LRMDA: variants seen among roughly 807,000 people sequenced by gnomAD.
LRMDA encodes the protein leucine-rich melanocyte differentiation-associated protein.
In LRMDA, 18 loss-of-function variants were observed where a neutral mutation model predicts 29.8. That is an observed-to-expected ratio of 0.60 (90% confidence interval 0.42 to 0.90). The LOEUF (loss-of-function observed/expected upper bound fraction) is 0.90, where lower values mean the gene tolerates loss of function less well. Among genes scored for constraint, LRMDA ranks in the 40% least tolerant of loss-of-function variants. The pLI is 0.00. For synonymous variants in LRMDA, 125 were observed against 109.4 expected, an observed-to-expected ratio of 1.14 and a Z score of -0.89; for missense variants, 273 against 273.9, an observed-to-expected ratio of 1.00 and a Z score of 0.02.
intron 6 of LRMDA, among the ~76,000 whole-genome samples, chr10:76,328,027 G>A (rs545830971): frequency 2.0e-5 from 3 of 152,340 alleles, no homozygotes; most frequent in African/African-American, 7.2e-5. Context: ...CAGACTCTCA[G>A]TAAGATACAG....
At chr10:75,961,196 C>T (rs993357102) in intron 2 of LRMDA, among the ~76,000 whole-genome samples, 1 of 152,170 alleles carries the variant, frequency 6.6e-6, no homozygotes, top group African/African-American at 2.4e-5. Flanking sequence ...TGCCAGCCTG[C>T]AAATTAAAAC....
At chr10:76,288,072 C>G (rs1840294226) in intron 5 of LRMDA, among the ~76,000 whole-genome samples, 2 of 152,066 alleles carry the variant, frequency 1.3e-5, no homozygotes, top group African/African-American at 2.4e-5. Flanking sequence ...GATTCATGAA[C>G]TAGGCAGCAT....
At chr10:76,070,495 C>T (rs977714047) in intron 5 of LRMDA, among the ~76,000 whole-genome samples, 8 of 152,166 alleles carry the variant, frequency 5.3e-5, no homozygotes, top group South Asian at 2.1e-4. Context: ...GAGATCTCTC[C>T]GTCTTCTGAT....
chr10:75,500,716 C>T (rs1845102576), intron 2 of LRMDA, among the ~76,000 whole-genome samples: 1 of 152,002 alleles, frequency 6.6e-6, no homozygotes, highest in Non-Finnish European at 1.5e-5. Context: ...TACATGGTGG[C>T]AGGAGGGAGA....
intron 5 of LRMDA, among the ~76,000 whole-genome samples, chr10:76,113,240 T>C (rs1450253156): frequency 6.6e-6 from 1 of 152,060 alleles, no homozygotes; most frequent in African/African-American, 2.4e-5. Flanking sequence ...AAGCATCTCA[T>C]AGTGTCTTAG....
At chr10:76,527,709 G>A (rs1843192379) in intron 6 of LRMDA, among the ~76,000 whole-genome samples, 3 of 152,268 alleles carry the variant, frequency 2.0e-5, no homozygotes, top group African/African-American at 7.2e-5. Context: ...AAAGCTCAGT[G>A]TTAGCTATAA....
At chr10:76,240,677 G>T (rs1357117321) in intron 5 of LRMDA, among the ~76,000 whole-genome samples, 1 of 150,902 alleles carries the variant, frequency 6.6e-6, no homozygotes, top group African/African-American at 2.4e-5. Context: ...ACTTGAACAT[G>T]CATGTTTATG....
At chr10:75,447,171 A>G (rs1275026026) in intron 2 of LRMDA, among the ~76,000 whole-genome samples, 1 of 152,206 alleles carries the variant, frequency 6.6e-6, no homozygotes. Context: ...TGTTAGAACC[A>G]GTGTTCTCTT....
intron 2 of LRMDA, among the ~76,000 whole-genome samples, chr10:75,705,850 A>G (rs1271013044): frequency 1.3e-5 from 2 of 151,658 alleles, no homozygotes; most frequent in African/African-American, 4.9e-5. Context: ...TCTATTTTTT[A>G]ATTCATTTAG....
At chr10:76,084,618 G>A (rs905439391) in intron 5 of LRMDA, among the ~76,000 whole-genome samples, 3 of 151,950 alleles carry the variant, frequency 2.0e-5, no homozygotes, top group East Asian at 1.9e-4. Flanking sequence ...CAGTTTTCTC[G>A]TTGGCAAATG....
intron 5 of LRMDA, among the ~76,000 whole-genome samples, chr10:76,121,032 C>T (rs940627101): frequency 6.6e-5 from 10 of 151,858 alleles, no homozygotes; most frequent in East Asian, 1.9e-4. Flanking sequence ...GGGGTTTCAC[C>T]GGATTGCTTT....
intron 2 of LRMDA, among the ~76,000 whole-genome samples, chr10:75,866,898 G>C (rs74146922): frequency 6.6e-6 from 1 of 152,284 alleles, no homozygotes; most frequent in African/African-American, 2.4e-5. Flanking sequence ...GAATTTGAGG[G>C]GAGGATGAAA....
chr10:76,013,614 T>A (rs1170006111), intron 2 of LRMDA, among the ~76,000 whole-genome samples: 5 of 152,046 alleles, frequency 3.3e-5, no homozygotes, highest in Non-Finnish European at 5.9e-5. Flanking sequence ...AAAGCTCCAC[T>A]TACTGGGTTC....
At chr10:75,701,655 A>G (rs1842309390) in intron 2 of LRMDA, among the ~76,000 whole-genome samples, 1 of 152,202 alleles carries the variant, frequency 6.6e-6, no homozygotes, top group Non-Finnish European at 1.5e-5. Context: ...GCACCTGTAA[A>G]CAGGGGAGCA....
At chr10:75,844,545 T>G (rs796748918) in intron 2 of LRMDA, among the ~76,000 whole-genome samples, 143 of 152,334 alleles carry the variant, frequency 9.4e-4, no homozygotes, top group African/African-American at 3.4e-3. Flanking sequence ...GGCTCCCCCG[T>G]GATGACTCCA....
At chr10:76,001,176 G>A (rs1163274750) in intron 2 of LRMDA, among the ~76,000 whole-genome samples, 1 of 152,102 alleles carries the variant, frequency 6.6e-6, no homozygotes, top group African/African-American at 2.4e-5. Flanking sequence ...CTTCCTTATG[G>A]CTTCCGGTTC....
intron 2 of LRMDA, among the ~76,000 whole-genome samples, chr10:75,889,822 A>G (rs754332083): frequency 7.2e-5 from 11 of 152,250 alleles, no homozygotes; most frequent in Non-Finnish European, 1.2e-4. Flanking sequence ...AGACCATTCT[A>G]TGATATGGTT....
intron 2 of LRMDA, among the ~76,000 whole-genome samples, chr10:76,005,379 C>A (rs1459988351): frequency 6.6e-6 from 1 of 152,104 alleles, no homozygotes; most frequent in East Asian, 1.9e-4. Flanking sequence ...TGTTGATAAA[C>A]CTTTGCTGAC....
At chr10:76,368,021 A>C (rs1038844635) in intron 6 of LRMDA, among the ~76,000 whole-genome samples, 1 of 152,052 alleles carries the variant, frequency 6.6e-6, no homozygotes, top group Non-Finnish European at 1.5e-5. Flanking sequence ...TTAATGGTCT[A>C]TCAATTTTAT....
Sources: gnomAD v4.1 joint callset for allele counts (sites outside exome capture counted in the v4.1 genomes callset) on GRCh38, gnomAD v4.1.1 for gene constraint, MANE v1.5 for transcripts, NCBI Gene and HGNC (gene_info 2026-07-23, HGNC 2026-07-21) for gene names.